CACNB2: variants seen among roughly 807,000 people sequenced by gnomAD.
The protein encoded by CACNB2 is voltage-dependent L-type calcium channel subunit beta-2.
CACNB2 carries 42 observed loss-of-function variants against 73.3 expected under a neutral mutation model. The observed-to-expected ratio is 0.57, with a 90% CI of 0.45 to 0.74. CACNB2 has a LOEUF of 0.74. CACNB2 is among the 30% of genes least tolerant of loss of function. The pLI is 0.00. For synonymous variants in CACNB2, 348 were observed against 310.3 expected, an observed-to-expected ratio of 1.12 and a Z score of -1.28; for missense variants, 940 against 853.0, an observed-to-expected ratio of 1.10 and a Z score of -1.27.
Position 18,299,427 on chromosome 10 carries a change from G to A in CACNB2, c.214-102497G>A, listed in dbSNP as rs577652750. 7.9e-5 allele frequency among the ~76,000 whole-genome samples: 12 copies of A among 152,298 alleles called. No individual in the cohort carries two copies. The South Asian group carries it at 1.0e-3, about 13-fold the overall frequency. On this transcript the variant is annotated intron_variant, in intron 2 of 13. Coordinates refer to ENST00000324631, the MANE Select transcript of CACNB2 (RefSeq NM_201596.3). ...TTCAGTGGAGAAGGGGAGCGGGAGCGTGGCTGCACCTCTGGCCTACTCTGG... is the reference window on the plus strand; with the variant it reads ...TTCAGTGGAGAAGGGGAGCGGGAGCATGGCTGCACCTCTGGCCTACTCTGG...
chr10:18,239,876 G>A (rs949407268), intron 2 of CACNB2, among the ~76,000 whole-genome samples: 23 of 152,080 alleles, frequency 1.5e-4, no homozygotes, highest in African/African-American at 5.6e-4. Flanking sequence ...ATAAGAGCTT[G>A]TGAAATCCAA....
At chr10:18,476,202 A>G (rs894852692) in intron 3 of CACNB2, among the ~76,000 whole-genome samples, 1 of 152,082 alleles carries the variant, frequency 6.6e-6, no homozygotes, top group African/African-American at 2.4e-5. Context: ...GCATCTATAA[A>G]CTGTCCTGGC....
At chr10:18,290,379 CTGAG>C (rs1310846491) in intron 2 of CACNB2, among the ~76,000 whole-genome samples, 4 of 151,888 alleles carry the variant, frequency 2.6e-5, no homozygotes, top group Non-Finnish European at 5.9e-5. Flanking sequence ...TTGCTTGAGG[CTGAG>C]TATATATAAA....
chr10:18,376,403 C>CA (rs2042800362), intron 2 of CACNB2, among the ~76,000 whole-genome samples: 1 of 151,710 alleles, frequency 6.6e-6, no homozygotes, highest in East Asian at 1.9e-4. Flanking sequence ...TAATGGGTAC[C>CA]AAAAAATAGT....
intron 3 of CACNB2, among the ~76,000 whole-genome samples, chr10:18,481,191 GCTATATATATATATAT>G: frequency 2.5e-5 from 1 of 40,524 alleles, no homozygotes; most frequent in South Asian, 1.8e-3. Flanking sequence ...TTACATCTTC[GCTATATATATATATAT>G]ATATATATAT....
rs536907841 is a variant in CACNB2 at position 18,407,809 on chromosome 10, T to C, written c.333+5766T>C. On this transcript the variant is annotated intron_variant, in intron 3 of 13. Transcript: ENST00000324631. ...TCTAATTTCCAAGAGCATTCTTCTT[T>C]TCTTCATTTATAGCTTCTTGTTTTT... is the stretch of plus-strand genomic sequence containing the variant. Among the ~76,000 whole-genome samples the C allele has an allele frequency of 2.3e-4, 35 of 152,316 alleles. No homozygotes were observed. The South Asian group carries it at 7.2e-3, about 32-fold the overall frequency.
chr10:18,302,138 C>G (rs1287777197), intron 2 of CACNB2, among the ~76,000 whole-genome samples: 1 of 152,130 alleles, frequency 6.6e-6, no homozygotes, highest in Admixed American at 6.5e-5. Flanking sequence ...GGCCTCCCAA[C>G]TTGACGTAAA....
intron 3 of CACNB2, among the ~76,000 whole-genome samples, chr10:18,406,368 A>C (rs1302042021): frequency 6.6e-6 from 1 of 152,198 alleles, no homozygotes; most frequent in African/African-American, 2.4e-5. Flanking sequence ...ACCAGGCTAC[A>C]CAGCAGGAGG....
intron 3 of CACNB2, among the ~76,000 whole-genome samples, chr10:18,461,647 C>T (rs1310621616): frequency 6.6e-6 from 1 of 152,030 alleles, no homozygotes. Context: ...TAGATCCCTC[C>T]CATGTGCAGT....
At chr10:18,396,989 G>C (rs1246065578) in intron 2 of CACNB2, among the ~76,000 whole-genome samples, 1 of 152,142 alleles carries the variant, frequency 6.6e-6, no homozygotes, top group Non-Finnish European at 1.5e-5. Flanking sequence ...CCTACAGAAA[G>C]AGAAGAACAC....
At chr10:18,311,426 T>C (rs1343999267) in intron 2 of CACNB2, among the ~76,000 whole-genome samples, 1 of 152,088 alleles carries the variant, frequency 6.6e-6, no homozygotes, top group Non-Finnish European at 1.5e-5. Flanking sequence ...CGTTGACCCA[T>C]TGCACAGTTG....
At chr10:18,350,467 CTTG>C (rs2041660889) in intron 2 of CACNB2, among the ~76,000 whole-genome samples, 1 of 152,152 alleles carries the variant, frequency 6.6e-6, no homozygotes, top group Admixed American at 6.6e-5. Context: ...CCTGTGCCTC[CTTG>C]TTGTTTTTGT....
chr10:18,393,415 T>C (rs1339866093), intron 2 of CACNB2, among the ~76,000 whole-genome samples: 1 of 152,224 alleles, frequency 6.6e-6, no homozygotes, highest in African/African-American at 2.4e-5. Flanking sequence ...ATTTTGCAAA[T>C]ATTGAGCAGA....
intron 2 of CACNB2, among the ~76,000 whole-genome samples, chr10:18,253,232 C>T (rs1014283625): frequency 1.3e-5 from 2 of 152,048 alleles, no homozygotes; most frequent in Non-Finnish European, 2.9e-5. Context: ...CGCTTGAGTC[C>T]CTGGGTTTTT....
rs754043049 is a variant in CACNB2 at position 18,539,753 on chromosome 10, T to A, written c.*29T>A. ...TTGCCCGTTTGTGTTTTTTTTTTTT[T>A]TTTTTTGAAGTCTTGTATAACTAAC... On this transcript the variant is annotated 3_prime_UTR_variant, in exon 14 of 14. Transcript: ENST00000324631. The A allele has an allele frequency of 6.3e-7, 1 of 1,587,560 alleles. No homozygotes were observed. The highest frequency in any genetic ancestry group is 8.5e-7 in the Non-Finnish European group (1 of 1,172,456).
chr10:18,293,751 A>C (rs2039163787), intron 2 of CACNB2, among the ~76,000 whole-genome samples: 2 of 152,212 alleles, frequency 1.3e-5, no homozygotes, highest in South Asian at 4.1e-4. Context: ...ATGAGTTATG[A>C]GTTTAATGAC....
intron 2 of CACNB2, among the ~76,000 whole-genome samples, chr10:18,334,244 G>T (rs1437180630): frequency 1.3e-5 from 2 of 152,126 alleles, no homozygotes; most frequent in African/African-American, 2.4e-5. Flanking sequence ...GTGTGAATAC[G>T]AGCTGGGACT....
intron 2 of CACNB2, among the ~76,000 whole-genome samples, chr10:18,345,053 C>T (rs1051469966): frequency 6.6e-6 from 1 of 152,078 alleles, no homozygotes; most frequent in Non-Finnish European, 1.5e-5. Context: ...ATTGATTGTC[C>T]AATAAAATGG....
chr10:18,312,977 G>T (rs2040017998), intron 2 of CACNB2, among the ~76,000 whole-genome samples: 1 of 152,176 alleles, frequency 6.6e-6, no homozygotes, highest in Admixed American at 6.5e-5. Context: ...GTTTTTCTGT[G>T]CTAATAATAG....
Sources: gnomAD v4.1 joint callset for allele counts (sites outside exome capture counted in the v4.1 genomes callset) on GRCh38, gnomAD v4.1.1 for gene constraint, MANE v1.5 for transcripts, NCBI Gene and HGNC (gene_info 2026-07-23, HGNC 2026-07-21) for gene names.